KCTD16: variants seen among roughly 807,000 people sequenced by gnomAD.
The protein encoded by KCTD16 is BTB/POZ domain-containing protein KCTD16.
A neutral mutation model predicts 33.2 loss-of-function variants in KCTD16; 13 were observed. That is an observed-to-expected ratio of 0.39 (90% confidence interval 0.25 to 0.62). The LOEUF (loss-of-function observed/expected upper bound fraction) is 0.62. Ranked by LOEUF, KCTD16 falls within the 20% of genes least tolerant of loss-of-function variation. The probability of loss-of-function intolerance (pLI) is 0.50; values close to 1 mark genes in which losing one functional copy is unlikely to be tolerated. For missense variants in KCTD16, 441 were observed against 525.1 expected, an observed-to-expected ratio of 0.84 and a Z score of 1.57; for synonymous variants, 197 against 195.3, an observed-to-expected ratio of 1.01 and a Z score of -0.07.
chr5:144,468,507 A>G (rs952445600), intron 3 of KCTD16, among the ~76,000 whole-genome samples: 1 of 152,230 alleles, frequency 6.6e-6, no homozygotes, highest in African/African-American at 2.4e-5. Context: ...ACTGCAAGCA[A>G]GAAATGATGA....
At chr5:144,238,395 T>C (rs934249149) in intron 3 of KCTD16, among the ~76,000 whole-genome samples, 3 of 152,132 alleles carry the variant, frequency 2.0e-5, no homozygotes, top group African/African-American at 4.8e-5. Context: ...GGAGAATCGA[T>C]GAGCTCATTT....
intron 3 of KCTD16, among the ~76,000 whole-genome samples, chr5:144,345,671 T>C (rs1752778194): frequency 6.6e-6 from 1 of 152,142 alleles, no homozygotes; most frequent in South Asian, 2.1e-4. Context: ...ACTTAAATTC[T>C]AGATTAGTGC....
chr5:144,351,796 A>G (rs1751441835), intron 3 of KCTD16, among the ~76,000 whole-genome samples: 1 of 152,230 alleles, frequency 6.6e-6, no homozygotes, highest in Non-Finnish European at 1.5e-5. Flanking sequence ...CCAGACTCAT[A>G]AAGACAAAAA....
intron 3 of KCTD16, among the ~76,000 whole-genome samples, chr5:144,460,259 A>G (rs1452224217): frequency 1.3e-5 from 2 of 151,866 alleles, no homozygotes; most frequent in African/African-American, 4.8e-5. Flanking sequence ...TTTCCCTGTA[A>G]AGACTTCTAT....
At chr5:144,183,960 C>T (rs1351701193) in intron 2 of KCTD16, among the ~76,000 whole-genome samples, 2 of 152,036 alleles carry the variant, frequency 1.3e-5, no homozygotes, top group African/African-American at 4.8e-5. Context: ...ACTACCTCAC[C>T]CTTTACTTGT....
chr5:144,399,473 G>A (rs942296486), intron 3 of KCTD16, among the ~76,000 whole-genome samples: 5 of 152,108 alleles, frequency 3.3e-5, no homozygotes, highest in Non-Finnish European at 7.4e-5. Flanking sequence ...CATTAGCAAA[G>A]TGGTTGTGTT....
rs150943706 is a variant in KCTD16, at chr5:144,327,077, G to A, written c.832+119531G>A. Reference sequence around the variant, plus strand: ...TGGTGTGGAAGCAAAACTATTTACCGCTGGAAGCTATGGTGGCAATGTTGG... The same window carrying A: ...TGGTGTGGAAGCAAAACTATTTACCACTGGAAGCTATGGTGGCAATGTTGG... On this transcript the variant is annotated intron_variant, in intron 3 of 3. Transcript: ENST00000512467. Among the ~76,000 whole-genome samples, 250 of 152,220 alleles carry A rather than the reference G, an allele frequency of 1.6e-3. 1 individual carries two copies. Among genetic ancestry groups the A allele is most frequent in the African/African-American group, 5.6e-3 (234 of 41,552 alleles).
chr5:144,270,180 A>G (rs904090769), intron 3 of KCTD16, among the ~76,000 whole-genome samples: 14 of 152,024 alleles, frequency 9.2e-5, no homozygotes, highest in African/African-American at 3.4e-4. Context: ...TTTATATTCA[A>G]AAGAGAGGTT....
intron 3 of KCTD16, among the ~76,000 whole-genome samples, chr5:144,355,469 T>C (rs1751550039): frequency 1.3e-5 from 2 of 152,056 alleles, no homozygotes; most frequent in Admixed American, 1.3e-4. Flanking sequence ...GTACCACCCA[T>C]TGGGAAGAGA....
At chr5:144,458,121 G>A in intron 3 of KCTD16, among the ~76,000 whole-genome samples, 1 of 152,138 alleles carries the variant, frequency 6.6e-6, no homozygotes, top group Non-Finnish European at 1.5e-5. Context: ...TGGTAACAAT[G>A]ACAAATTTAT....
In KCTD16 at chr5:144,481,601, T is replaced by G. The variant is rs1754704433; in HGVS notation, c.*7487T>G. 2 of 151,938 alleles carry G rather than the reference T, an allele frequency of 1.3e-5. No homozygotes were observed. The highest frequency in any genetic ancestry group is 4.1e-4 in the South Asian group (2 of 4,822). The allele number at this position is 151,938 out of a possible 1,614,324, so 9.4% of individuals were successfully genotyped here. On this transcript the variant is annotated 3_prime_UTR_variant, in exon 4 of 4. Coordinates refer to ENST00000512467, the MANE Select transcript of KCTD16 (RefSeq NM_020768.4). ...TCCCAGGGATGGAATTATGGTAGGG[T>G]CATTCTAATTCCATTTTATACAAGG...
chr5:144,363,872 T>G (rs368549818), intron 3 of KCTD16, among the ~76,000 whole-genome samples: 1 of 152,228 alleles, frequency 6.6e-6, no homozygotes, highest in South Asian at 2.1e-4. Context: ...CTAGTGGTAC[T>G]GCTGTTATGA....
At chr5:144,300,926 C>T (rs932726720) in intron 3 of KCTD16, among the ~76,000 whole-genome samples, 7 of 152,030 alleles carry the variant, frequency 4.6e-5, no homozygotes, top group Non-Finnish European at 2.9e-5. Context: ...TGGGAGAAGA[C>T]AAGCAAGTAA....
At chr5:144,244,371 G>T (rs1422346300) in intron 3 of KCTD16, among the ~76,000 whole-genome samples, 4 of 152,154 alleles carry the variant, frequency 2.6e-5, no homozygotes, top group Non-Finnish European at 5.9e-5. Context: ...GAGCAAATTT[G>T]ATAACAAAGT....
rs544433858 is a variant in KCTD16 at position 144,266,776 on chromosome 5, A to T, written c.832+59230A>T. Among the ~76,000 whole-genome samples the T allele has an allele frequency of 2.1e-5, 3 of 143,336 alleles. No homozygotes were observed. In the East Asian group the frequency reaches 6.1e-4, roughly 29 times the overall value. 94.0% of individuals were successfully genotyped at this position (143,336 alleles called of 152,430 possible). A position where few individuals can be genotyped will look rare whatever the true frequency, so the allele number is the denominator to read the frequency against. On this transcript the variant is annotated intron_variant, in intron 3 of 3. Coordinates refer to ENST00000512467, the MANE Select transcript of KCTD16 (RefSeq NM_020768.4). Reference sequence around the variant, plus strand: ...ATATGAACCCAGCTAATCACACAAGATTTCTATTTTTTTTTTATAGCCAGC... The same window carrying T: ...ATATGAACCCAGCTAATCACACAAGTTTTCTATTTTTTTTTTATAGCCAGC...
chr5:144,332,886 C>G (rs752019620), intron 3 of KCTD16, among the ~76,000 whole-genome samples: 1 of 152,060 alleles, frequency 6.6e-6, no homozygotes, highest in Non-Finnish European at 1.5e-5. Flanking sequence ...ATAATCATGG[C>G]GGAAGGCAAA....
chr5:144,210,795 T>G (rs1753366129), intron 3 of KCTD16, among the ~76,000 whole-genome samples: 1 of 152,144 alleles, frequency 6.6e-6, no homozygotes, highest in South Asian at 2.1e-4. Context: ...TGGAGAGAAT[T>G]ATGCACATTT....
At chr5:144,472,216 T>C (rs1420933676) in intron 3 of KCTD16, among the ~76,000 whole-genome samples, 1 of 152,188 alleles carries the variant, frequency 6.6e-6, no homozygotes, top group Non-Finnish European at 1.5e-5. Context: ...GGGAATTTGT[T>C]CTCTTTACTT....
At chr5:144,404,898 A>C (rs1752778282) in intron 3 of KCTD16, among the ~76,000 whole-genome samples, 1 of 152,200 alleles carries the variant, frequency 6.6e-6, no homozygotes, top group African/African-American at 2.4e-5. Flanking sequence ...AAGAATACAG[A>C]GTGCTATCTG....
Sources: gnomAD v4.1 joint callset for allele counts (sites outside exome capture counted in the v4.1 genomes callset) on GRCh38, gnomAD v4.1.1 for gene constraint, MANE v1.5 for transcripts, NCBI Gene and HGNC (gene_info 2026-07-23, HGNC 2026-07-21) for gene names.